AGBL1: variants seen among roughly 807,000 people sequenced by gnomAD.
The protein encoded by AGBL1 is AGBL carboxypeptidase 1, also known as cytosolic carboxypeptidase 4.
AGBL1 carries 130 observed loss-of-function variants against 118.9 expected under a neutral mutation model. The observed-to-expected ratio is 1.09, with a 90% CI of 0.95 to 1.26. The LOEUF (loss-of-function observed/expected upper bound fraction) is 1.26, where lower values mean the gene tolerates loss of function less well. Among genes scored for constraint, AGBL1 ranks in the 50% most tolerant of loss-of-function variants. The probability of loss-of-function intolerance (pLI) is 0.00; values close to 1 mark genes in which losing one functional copy is unlikely to be tolerated. For synonymous variants in AGBL1, 555 were observed against 478.9 expected, an observed-to-expected ratio of 1.16 and a Z score of -2.08; for missense variants, 1,584 against 1,298.1, an observed-to-expected ratio of 1.22 and a Z score of -3.38.
At chr15:86,527,965 A>T (rs984741000) in intron 19 of AGBL1, among the ~76,000 whole-genome samples, 6 of 152,062 alleles carry the variant, frequency 3.9e-5, no homozygotes, top group Non-Finnish European at 8.8e-5. Flanking sequence ...CCACTTATCC[A>T]TCCACCCACC....
intron 22 of AGBL1, among the ~76,000 whole-genome samples, chr15:86,902,902 C>T (rs2080230483): frequency 6.6e-6 from 1 of 152,102 alleles, no homozygotes; most frequent in Non-Finnish European, 1.5e-5. Flanking sequence ...TTGGCTTTAT[C>T]TGTTTGGGGG....
rs2085693502 is a variant in AGBL1 at position 86,668,928 on chromosome 15, C to A, written c.2995-5345C>A. ...TTTCTAAACACAGCCCTCCTTCAAG[C>A]AGATTTGGAATCACAATTCAAATGT... On this transcript the variant is annotated intron_variant, in intron 21 of 22. Coordinates refer to ENST00000614907, the MANE Select transcript of AGBL1 (RefSeq NM_001386094.1). Among the ~76,000 whole-genome samples the A allele has an allele frequency of 2.0e-5, 3 of 152,142 alleles. 1 individual carries two copies. Among genetic ancestry groups the A allele is most frequent in the Admixed American group, 2.0e-4 (3 of 15,276 alleles).
chr15:86,723,519 G>T (rs988350324), intron 22 of AGBL1, among the ~76,000 whole-genome samples: 2 of 152,134 alleles, frequency 1.3e-5, no homozygotes, highest in African/African-American at 2.4e-5. Flanking sequence ...GTGGGGTGAG[G>T]GGGGAGGGAT....
At chr15:86,827,510 T>C (rs1490949629) in intron 22 of AGBL1, among the ~76,000 whole-genome samples, 30 of 67,416 alleles carry the variant, frequency 4.4e-4, no homozygotes, top group Non-Finnish European at 7.6e-4. Flanking sequence ...TATATATATA[T>C]ATATATATAT....
chr15:86,698,028 C>G (rs2142631818), intron 22 of AGBL1, among the ~76,000 whole-genome samples: 1 of 152,090 alleles, frequency 6.6e-6, no homozygotes, highest in East Asian at 1.9e-4. Context: ...GTTCTTGGAG[C>G]AAAAGTTCAC....
At chr15:86,318,765 T>A (rs1192075442) in intron 17 of AGBL1, among the ~76,000 whole-genome samples, 1 of 141,222 alleles carries the variant, frequency 7.1e-6, no homozygotes, top group Non-Finnish European at 1.5e-5. Flanking sequence ...GTTGCTGGAA[T>A]TGTCAATGGG....
intron 17 of AGBL1, among the ~76,000 whole-genome samples, chr15:86,364,964 T>C (rs1033024253): frequency 0.011 from 533 of 47,446 alleles, 16 homozygotes; most frequent in African/African-American, 0.027. Flanking sequence ...CACACATATA[T>C]ATATATATAT....
chr15:87,030,697 G>C (rs1264694000), downstream of AGBL1, among the ~76,000 whole-genome samples: 1 of 151,918 alleles, frequency 6.6e-6, no homozygotes, highest in African/African-American at 2.4e-5. Flanking sequence ...ATTTATTTGT[G>C]ATATTGCCTT....
intron 5 of AGBL1, among the ~76,000 whole-genome samples, chr15:86,184,950 G>T (rs1031953362): frequency 5.9e-5 from 9 of 152,224 alleles, no homozygotes; most frequent in Admixed American, 3.9e-4. Flanking sequence ...CACAGCAAAA[G>T]AAACTACCAT....
At chr15:86,975,278 G>C (rs1016897978) in intron 23 of AGBL1, among the ~76,000 whole-genome samples, 1 of 152,056 alleles carries the variant, frequency 6.6e-6, no homozygotes, top group Non-Finnish European at 1.5e-5. Context: ...CATGGCAGAA[G>C]GTGAAGGAGG....
intron 21 of AGBL1, among the ~76,000 whole-genome samples, chr15:86,579,223 T>A (rs1234845721): frequency 2.0e-5 from 3 of 152,206 alleles, no homozygotes; most frequent in African/African-American, 7.2e-5. Flanking sequence ...TTGCAAATTT[T>A]GTGTCTAAAA....
At chr15:86,748,385 T>C (rs560713553) in intron 22 of AGBL1, among the ~76,000 whole-genome samples, 1 of 152,194 alleles carries the variant, frequency 6.6e-6, no homozygotes, top group Non-Finnish European at 1.5e-5. Flanking sequence ...ATATTAGCCC[T>C]TTGTCAGATG....
chr15:86,213,842 T>G (rs11073624), intron 5 of AGBL1, among the ~76,000 whole-genome samples: 1 of 151,948 alleles, frequency 6.6e-6, no homozygotes, highest in Non-Finnish European at 1.5e-5. Flanking sequence ...ATTGTAGAAC[T>G]ATTTCCACTA....
intron 21 of AGBL1, among the ~76,000 whole-genome samples, chr15:86,636,573 A>G (rs1347673958): frequency 6.7e-6 from 1 of 149,982 alleles, no homozygotes; most frequent in East Asian, 2.0e-4. Context: ...TTTTTCCCTT[A>G]TGAAATACAT....
chr15:86,614,311 T>C (rs993155248), intron 21 of AGBL1, among the ~76,000 whole-genome samples: 1 of 152,198 alleles, frequency 6.6e-6, no homozygotes, highest in Non-Finnish European at 1.5e-5. Context: ...CCAGCCCTGC[T>C]CTTTTCTTAA....
intron 17 of AGBL1, among the ~76,000 whole-genome samples, chr15:86,313,002 C>T (rs1051696404): frequency 1.3e-5 from 2 of 152,222 alleles, no homozygotes; most frequent in Non-Finnish European, 2.9e-5. Flanking sequence ...ATGAGTGATT[C>T]TAAAAACTTT....
intron 3 of AGBL1, among the ~76,000 whole-genome samples, chr15:86,150,661 A>G (rs1316188810): frequency 3.9e-5 from 6 of 152,212 alleles, no homozygotes; most frequent in Non-Finnish European, 7.3e-5. Context: ...CCAGGTCCAG[A>G]TGGATTCACA....
intron 21 of AGBL1, among the ~76,000 whole-genome samples, chr15:86,631,352 A>C (rs186966388): frequency 1.2e-4 from 18 of 152,316 alleles, no homozygotes; most frequent in African/African-American, 4.1e-4. Flanking sequence ...TGCTATGCTT[A>C]ACAAACATTT....
At chr15:86,127,549 G>A (rs2076762704) in intron 1 of AGBL1, among the ~76,000 whole-genome samples, 1 of 151,278 alleles carries the variant, frequency 6.6e-6, no homozygotes, top group Admixed American at 6.6e-5. Flanking sequence ...CAGGCCACGT[G>A]GCCGAGGGCA....
Sources: gnomAD v4.1 joint callset for allele counts (sites outside exome capture counted in the v4.1 genomes callset) on GRCh38, gnomAD v4.1.1 for gene constraint, MANE v1.5 for transcripts, NCBI Gene and HGNC (gene_info 2026-07-23, HGNC 2026-07-21) for gene names.